Variants in SEPTIN8 observed in about 807,000 individuals in gnomAD.
SEPTIN8 encodes septin-8.
Under a neutral mutation model 53.1 loss-of-function variants are expected in SEPTIN8, and 22 were observed. That is an observed-to-expected ratio of 0.41 (90% CI 0.30 to 0.59). SEPTIN8 has a LOEUF of 0.59. SEPTIN8 is among the 20% of genes least tolerant of loss of function. The pLI is 0.24. For synonymous variants in SEPTIN8, 228 were observed against 248.4 expected (o/e 0.92, Z 0.77); for missense variants, 536 against 638.7 (o/e 0.84, Z 1.73).
In SEPTIN8 at chr5:132,762,477, C is replaced by G. The variant is rs188869872; in HGVS notation, c.696+7G>C. On this transcript the variant is annotated splice_region_variant and intron_variant, in intron 5 of 9. Transcript: ENST00000378719. ...CCAGGGCCCTGAGGCCCTCACCCAACGCTCACATTCATGACTGCGTTAATC... is the reference window on the plus strand; with the variant it reads ...CCAGGGCCCTGAGGCCCTCACCCAAGGCTCACATTCATGACTGCGTTAATC... 2 of 1,614,004 alleles carry G rather than the reference C, an allele frequency of 1.2e-6. No homozygotes were observed. Among genetic ancestry groups the G allele is most frequent in the African/African-American group, 1.3e-5 (1 of 75,078 alleles).
chr5:132,768,301 G>A (rs948694385), intron 1 of SEPTIN8, among the ~76,000 whole-genome samples: 7 of 151,702 alleles, frequency 4.6e-5, no homozygotes, highest in Admixed American at 6.6e-5. Flanking sequence ...AGGGGTATGA[G>A]TCTATGGAGC....
chr5:132,773,187 G>A lies in SEPTIN8; in HGVS notation c.30+3921C>T, dbSNP rs1757481130. 6.6e-6 allele frequency among the ~76,000 whole-genome samples: 1 copy of A among 152,172 alleles called. No homozygotes were observed. Among genetic ancestry groups the A allele is most frequent in the Non-Finnish European group, 1.5e-5 (1 of 68,028 alleles). On this transcript the variant is annotated intron_variant, in intron 1 of 9. Coordinates refer to ENST00000378719, the MANE Select transcript of SEPTIN8 (RefSeq NM_001098811.2). The surrounding 1 kb of genome is among the most constrained non-coding windows in gnomAD (Gnocchi z 4.2). Reference sequence around the variant, plus strand: ...CACAAGGGCATGGAGACCTTGGGAGGGCGTCTCCTCCCCAGGCAGATGTGT... The same window carrying A: ...CACAAGGGCATGGAGACCTTGGGAGAGCGTCTCCTCCCCAGGCAGATGTGT...
rs1323180240 is a variant in SEPTIN8, at chr5:132,770,139, G to C, written c.31-4610C>G. On this transcript the variant is annotated intron_variant, in intron 1 of 9. Transcript: ENST00000378719. The stretch of plus-strand genomic sequence containing the variant: ...TATATATATATGTATATATGTGTAT[G>C]TGTGTGTATATATATATATATATAT... 8.9e-5 allele frequency among the ~76,000 whole-genome samples: 8 copies of C among 89,980 alleles called. No homozygotes were observed. In the African/African-American group the frequency reaches 9.2e-4, roughly 10 times the overall value. The allele number at this position is 89,980 out of a possible 152,430, so 59.0% of individuals were successfully genotyped here.
chr5:132,755,686 G>A (rs1755263819), intron 9 of SEPTIN8, among the ~76,000 whole-genome samples: 1 of 152,142 alleles, frequency 6.6e-6, no homozygotes, highest in African/African-American at 2.4e-5. Context: ...TGTTAAGGAG[G>A]AACACTCCTC....
Position 132,761,533 on chromosome 5 carries a change from T to G in SEPTIN8, c.887A>C (p.His296Pro). 2 of 1,613,892 alleles carry G rather than the reference T, an allele frequency of 1.2e-6. No individual in the cohort carries two copies. The highest frequency in any genetic ancestry group is 1.7e-6 in the Non-Finnish European group (2 of 1,179,996). ...CTTGCAGCGCCGGTAGAGCTCGTAG[T>G]GCCGGCTGTGGGTCTGCTCGCGGAG... The part of the protein sequence containing the change: ...EDLREQTHSR[H>P]YELYRRCKLE... Residue 296 changes from histidine to proline, a missense_variant, in exon 7 of 10, where the codon CAC becomes CCC. This residue lies in a region of SEPTIN8 where 395 missense variants were observed against 451.8 expected (regional missense o/e 0.87). Coordinates refer to ENST00000378719, the MANE Select transcript of SEPTIN8 (RefSeq NM_001098811.2). The surrounding 1 kb of genome is among the most constrained non-coding windows in gnomAD (Gnocchi z 5.8).
At position 132,752,318 on chromosome 5, in the gene SEPTIN8, GGAAA is replaced by G. The variant is rs1045111576; in HGVS notation, c.1287-141_1287-138del. The stretch of plus-strand genomic sequence containing the variant: ...TGGAAAATGTTCTGGCCATAACCCT[GGAAA>G]GAGTCTGCCCAAAGGCTAGGCTTTC... On this transcript the variant is annotated intron_variant, in intron 9 of 9. Transcript: ENST00000378719. The G allele has an allele frequency of 5.8e-5, 68 of 1,176,966 alleles. No individual in the cohort carries two copies. The Admixed American group carries it at 6.8e-4, about 12-fold the overall frequency. 72.9% of individuals were successfully genotyped at this position (1,176,966 alleles called of 1,614,324 possible). A position where few individuals can be genotyped will look rare whatever the true frequency, so the allele number is the denominator to read the frequency against.
chr5:132,776,363 G>A lies in SEPTIN8; in HGVS notation c.30+745C>T, dbSNP rs1757792893. Among the ~76,000 whole-genome samples, 1 of 152,200 alleles carries A rather than the reference G, an allele frequency of 6.6e-6. No individual in the cohort carries two copies. The highest frequency in any genetic ancestry group is 2.1e-4 in the South Asian group (1 of 4,834). ...AATTATGAAAGCCTTTAGTAAGTTGGCTGTCGGCAGGCTCAGGCCCAGTGA... is the reference window on the plus strand; with the variant it reads ...AATTATGAAAGCCTTTAGTAAGTTGACTGTCGGCAGGCTCAGGCCCAGTGA... On this transcript the variant is annotated intron_variant, in intron 1 of 9. Coordinates refer to ENST00000378719, the MANE Select transcript of SEPTIN8 (RefSeq NM_001098811.2). The surrounding 1 kb of genome is among the most constrained non-coding windows in gnomAD (Gnocchi z 4.4).
Position 132,751,158 on chromosome 5 carries a change from G to T in SEPTIN8, c.*858C>A. On this transcript the variant is annotated 3_prime_UTR_variant, in exon 10 of 10. Transcript: ENST00000378719. ...CTCATGACATACGGAAGAGTGAAAA[G>T]GTATCTTAAATCCAACACAGTTCCA... 1.5e-6 allele frequency: 1 copy of T among 678,720 alleles called. No individual in the cohort carries two copies. Among genetic ancestry groups the T allele is most frequent in the Non-Finnish European group, 2.3e-6 (1 of 433,640 alleles). 42.0% of individuals were successfully genotyped at this position (678,720 alleles called of 1,614,324 possible). A position where few individuals can be genotyped will look rare whatever the true frequency, so the allele number is the denominator to read the frequency against.
intron 9 of SEPTIN8, chr5:132,754,396 C>T (rs1755146388): frequency 1.7e-5 from 12 of 717,268 alleles, no homozygotes; most frequent in South Asian, 1.6e-4. Context: ...GGCAGAAGGA[C>T]ATCCTGAGGG....
chr5:132,754,195 T>A (rs188360593), intron 9 of SEPTIN8: 1 of 531,110 alleles, frequency 1.9e-6, no homozygotes, highest in East Asian at 3.0e-5. Flanking sequence ...TGAGCTACCA[T>A]GCATTTAGCC....
At chr5:132,755,183 G>C (rs1755218601) in intron 9 of SEPTIN8, among the ~76,000 whole-genome samples, 1 of 152,100 alleles carries the variant, frequency 6.6e-6, no homozygotes, top group African/African-American at 2.4e-5. Context: ...CTCCCTGCAG[G>C]GGTCCCCATT....
chr5:132,769,984 T>TAC (rs1224773363), intron 1 of SEPTIN8, among the ~76,000 whole-genome samples: 8 of 20,572 alleles, frequency 3.9e-4, no homozygotes, highest in African/African-American at 2.3e-3. Flanking sequence ...TATATATACA[T>TAC]ATATATATAT....
At chr5:132,754,327 T>C in intron 9 of SEPTIN8, 2 of 701,014 alleles carry the variant, frequency 2.9e-6, no homozygotes, top group Non-Finnish European at 5.3e-6. Flanking sequence ...CTTCCAGTGG[T>C]GGCCGTTGAG....
At chr5:132,777,902 A>G (rs1561781411), upstream of SEPTIN8, 1 of 985,382 alleles carries the variant, frequency 1.0e-6, no homozygotes, top group Non-Finnish European at 1.2e-6. This position sits in a 1 kb window ranked among gnomAD's most constrained non-coding sequence, Gnocchi z 4.1. Flanking sequence ...TTCCTGCAAT[A>G]GAAAAGCGGA....
rs140977143 is a variant in SEPTIN8 at position 132,761,038 on chromosome 5, C to T, written c.1096-46G>A. ...GAAGATGCGGGGAGCAAGAGGAGGGCTTGAGCCTGGGCCAGGAAGGCACCC... is the reference window on the plus strand; with the variant it reads ...GAAGATGCGGGGAGCAAGAGGAGGGTTTGAGCCTGGGCCAGGAAGGCACCC... On this transcript the variant is annotated intron_variant, in intron 8 of 9. Transcript: ENST00000378719. This position sits in a 1 kb window ranked among gnomAD's most constrained non-coding sequence, Gnocchi z 5.8. 2,687 of 1,594,704 alleles carry T rather than the reference C, an allele frequency of 1.7e-3. 1 individual carries two copies. Among genetic ancestry groups the T allele is most frequent in the Non-Finnish European group, 2.1e-3 (2,448 of 1,169,632 alleles).
At chr5:132,756,907 C>T in intron 9 of SEPTIN8, 1 of 985,420 alleles carries the variant, frequency 1.0e-6, no homozygotes. Flanking sequence ...GCTGGGTCAC[C>T]AGGCCTCATC....
intron 1 of SEPTIN8, among the ~76,000 whole-genome samples, chr5:132,766,159 A>C (rs1295094082): frequency 6.6e-6 from 1 of 152,138 alleles, no homozygotes. Context: ...GCCCTCACTC[A>C]CACAACCCCC....
intron 9 of SEPTIN8, chr5:132,756,554 T>TAAAC (rs1467977836): frequency 1.0e-6 from 1 of 985,350 alleles, no homozygotes; most frequent in Non-Finnish European, 1.2e-6. Context: ...GCTAACTTAC[T>TAAAC]AAACAGTGGC....
chr5:132,762,982 G>T (rs1185733303), intron 4 of SEPTIN8, among the ~76,000 whole-genome samples: 8 of 152,184 alleles, frequency 5.3e-5, no homozygotes, highest in Non-Finnish European at 1.2e-4. Context: ...AGAAGGAGTG[G>T]TGGGGGGGCT....
Sources: gnomAD v4.1 joint callset for allele counts (sites outside exome capture counted in the v4.1 genomes callset) on GRCh38, gnomAD v4.1.1 for gene constraint, gnomAD v4.1.1 regional missense constraint, Gnocchi (gnomAD v3.1) non-coding constraint, MANE v1.5 for transcripts, NCBI Gene and HGNC (gene_info 2026-07-23, HGNC 2026-07-21) for gene names.